The following BLTP1 variants were observed in gnomAD, a reference collection of about 807,000 sequenced individuals.
BLTP1 encodes fragile site-associated protein.
At chr4:122,196,905 C>A in the BLTP1 span, 1 of 534,250 alleles carries the variant, frequency 1.9e-6, no homozygotes, top group Non-Finnish European at 3.1e-6. Flanking sequence ...GAGCTGTTTT[C>A]CCTTGAAATA....
At chr4:122,362,083 C>T in the BLTP1 span, 1 of 1,612,974 alleles carries the variant, frequency 6.2e-7, no homozygotes, top group Non-Finnish European at 8.5e-7. Context: ...TGATTATATT[C>T]TTCAAAAATT....
At chr4:122,153,568 G>C in the BLTP1 span, among the ~76,000 whole-genome samples, 2 of 152,086 alleles carry the variant, frequency 1.3e-5, no homozygotes, top group African/African-American at 2.4e-5. Context: ...AATCTGACTC[G>C]TTTGCAGTCC....
the BLTP1 span, chr4:122,238,044 T>G: frequency 6.4e-7 from 1 of 1,574,384 alleles, no homozygotes; most frequent in South Asian, 1.2e-5. Context: ...TTTTATAAAC[T>G]GCTGTTGAGA....
the BLTP1 span, among the ~76,000 whole-genome samples, chr4:122,279,014 A>G: frequency 6.6e-6 from 1 of 152,164 alleles, no homozygotes; most frequent in Admixed American, 6.5e-5. Context: ...TTAGTATTGT[A>G]CTGGTAAAGC....
chr4:122,197,386 TTAATTA>T, the BLTP1 span: 2 of 1,008,068 alleles, frequency 2.0e-6, no homozygotes, highest in Non-Finnish European at 2.6e-6. Flanking sequence ...TTTCAGTTTT[TTAATTA>T]TATTTTGATG....
the BLTP1 span, chr4:122,271,194 C>G: frequency 6.2e-7 from 1 of 1,613,994 alleles, no homozygotes; most frequent in Non-Finnish European, 8.5e-7. Flanking sequence ...TGCAACTTTA[C>G]TATTTCCTGT....
the BLTP1 span, chr4:122,204,365 A>G: frequency 4.3e-6 from 4 of 929,188 alleles, no homozygotes; most frequent in South Asian, 1.5e-4. Context: ...CTAAAATAGG[A>G]TAGTATTTTG....
chr4:122,167,995 A>G, the BLTP1 span: 1 of 702,086 alleles, frequency 1.4e-6, no homozygotes, highest in East Asian at 1.3e-4. Context: ...TGAGCATACA[A>G]CATTTTTGTT....
At chr4:122,156,067 G>A in the BLTP1 span, 1 of 581,914 alleles carries the variant, frequency 1.7e-6, no homozygotes, top group African/African-American at 2.0e-5. Flanking sequence ...GCCATTTACT[G>A]AGGTAGGAAG....
the BLTP1 span, chr4:122,231,786 A>G: frequency 1.0e-6 from 1 of 971,716 alleles, no homozygotes; most frequent in Non-Finnish European, 1.2e-6. Flanking sequence ...TCTCTGTTTA[A>G]CAAAATGTTT....
At chr4:122,298,984 A>G in the BLTP1 span, 1 of 985,448 alleles carries the variant, frequency 1.0e-6, no homozygotes, top group Non-Finnish European at 1.2e-6. Context: ...TTGGATCACC[A>G]AGCAACACAG....
chr4:122,337,495 C>A, the BLTP1 span, among the ~76,000 whole-genome samples: 1 of 152,052 alleles, frequency 6.6e-6, no homozygotes, highest in Non-Finnish European at 1.5e-5. Flanking sequence ...GAATGTGTAT[C>A]ACTTTCGCCC....
chr4:122,339,475 T>G, the BLTP1 span: 1 of 1,053,134 alleles, frequency 9.5e-7, no homozygotes, highest in Non-Finnish European at 1.3e-6. Flanking sequence ...AATATTTTAA[T>G]AGTAATTAAT....
the BLTP1 span, among the ~76,000 whole-genome samples, chr4:122,301,774 T>G: frequency 1.3e-5 from 2 of 152,222 alleles, no homozygotes; most frequent in Non-Finnish European, 2.9e-5. Flanking sequence ...TAATTTACTC[T>G]GCAAGAAATA....
At chr4:122,307,535 A>G in the BLTP1 span, 3 of 985,132 alleles carry the variant, frequency 3.0e-6, no homozygotes, top group South Asian at 9.4e-5. Context: ...TTTCTCTGTA[A>G]ATCAGATCCT....
At chr4:122,248,223 A>C in the BLTP1 span, 2 of 645,070 alleles carry the variant, frequency 3.1e-6, no homozygotes, top group Non-Finnish European at 3.9e-6. Context: ...AACTGGTGAA[A>C]AATGTGGTGG....
chr4:122,235,537 G>T, the BLTP1 span: 1 of 937,554 alleles, frequency 1.1e-6, no homozygotes, highest in Non-Finnish European at 1.3e-6. Flanking sequence ...CGGGCGTGGT[G>T]GCTCACACCT....
At chr4:122,322,752 C>T in the BLTP1 span, among the ~76,000 whole-genome samples, 1 of 152,026 alleles carries the variant, frequency 6.6e-6, no homozygotes, top group African/African-American at 2.4e-5. Flanking sequence ...CTTAGATGGA[C>T]CAGTATGGAT....
At chr4:122,248,711 A>G in the BLTP1 span, among the ~76,000 whole-genome samples, 7,585 of 152,112 alleles carry the variant, frequency 0.05, 271 homozygotes, top group Non-Finnish European at 0.075. Context: ...CATAGCATAG[A>G]ATATTATATA....
Sources: allele counts gnomAD v4.1 joint callset (sites outside exome capture counted in the v4.1 genomes callset), GRCh38; gene constraint gnomAD v4.1.1; transcripts MANE v1.5; gene names NCBI Gene and HGNC (gene_info 2026-07-23, HGNC 2026-07-21).